Variants in KCNH6 observed in about 807,000 individuals in gnomAD.
KCNH6 encodes the protein potassium voltage-gated channel subfamily H member 6.
Under a neutral mutation model 83.4 loss-of-function variants are expected in KCNH6, and 81 were observed. That is an observed-to-expected ratio of 0.97 (90% confidence interval 0.81 to 1.17). KCNH6 has a LOEUF of 1.17. Ranked by LOEUF, KCNH6 falls within the 50% of genes most tolerant of loss-of-function variation. The probability of loss-of-function intolerance (pLI) is 0.00; values close to 1 mark genes in which losing one functional copy is unlikely to be tolerated. For missense variants in KCNH6, 1,203 were observed against 1,290.5 expected, an observed-to-expected ratio of 0.93 and a Z score of 1.04; for synonymous variants, 503 against 545.6, an observed-to-expected ratio of 0.92 and a Z score of 1.09.
intron 10 of KCNH6, chr17:63,544,013 G>T (rs1221964184): frequency 2.0e-6 from 3 of 1,524,026 alleles, no homozygotes; most frequent in African/African-American, 1.4e-5. Flanking sequence ...CCCTGCCAGG[G>T]TCTCCCCATG....
At chr17:63,547,965 T>TAA (rs58169236), downstream of KCNH6, among the ~76,000 whole-genome samples, 2,289 of 133,114 alleles carry the variant, frequency 0.017, 28 homozygotes, top group Middle Eastern at 0.079. Context: ...CTCGGTCTCT[T>TAA]AAAAAAAAAA....
At position 63,533,881 on chromosome 17, in the gene KCNH6, C is replaced by A. The variant is rs780939875; in HGVS notation, c.676-5C>A. The stretch of plus-strand genomic sequence containing the variant: ...TGCCTGACCTCCCTCGGCCCCCACC[C>A]CCAGGTCCTGTCCCTGGGCGCGGAT... On this transcript the variant is annotated splice_polypyrimidine_tract_variant and splice_region_variant and intron_variant, in intron 4 of 12. Transcript: ENST00000314672. The surrounding 1 kb of genome is among the most constrained non-coding windows in gnomAD (Gnocchi z 4.1). The A allele has an allele frequency of 5.6e-6, 9 of 1,610,488 alleles. No homozygotes were observed. Among genetic ancestry groups the A allele is most frequent in the Admixed American group, 3.3e-5 (2 of 59,900 alleles).
chr17:63,535,231 A>T lies in KCNH6; in HGVS notation c.1102-438A>T, dbSNP rs1255441254. On this transcript the variant is annotated intron_variant, in intron 5 of 12. Coordinates refer to ENST00000314672, the MANE Select transcript of KCNH6 (RefSeq NM_001278919.2). The surrounding 1 kb of genome is among the most constrained non-coding windows in gnomAD (Gnocchi z 4.9). ...GGCTCTCACTGCTCCTCCATCTCCC[A>T]TGTGCGCATCGGGCTGCAGTGCCAC... Among the ~76,000 whole-genome samples, 4 of 151,906 alleles carry T rather than the reference A, an allele frequency of 2.6e-5. No individual in the cohort carries two copies. Among genetic ancestry groups the T allele is most frequent in the Non-Finnish European group, 5.9e-5 (4 of 67,962 alleles).
chr17:63,524,154 T>C lies in KCNH6; in HGVS notation c.92T>C (p.Ile31Thr). 2 of 1,613,628 alleles carry C rather than the reference T, an allele frequency of 1.2e-6. No homozygotes were observed. Among genetic ancestry groups the C allele is most frequent in the Non-Finnish European group, 8.5e-7 (1 of 1,179,544 alleles). The change falls in exon 2 of 13, where the codon ATT (isoleucine) becomes ACT (threonine). Residue 31 changes from isoleucine to threonine, a missense_variant. Coordinates refer to ENST00000314672, the MANE Select transcript of KCNH6 (RefSeq NM_001278919.2). ...CCCACCCCAGGTCGGAAGTTCCTGA[T>C]TGCCAATGCTCAGATGGAGAACTGC... ...KFEGQSRKFL[I>T]ANAQMENCAI...
intron 4 of KCNH6, among the ~76,000 whole-genome samples, chr17:63,532,693 T>C (rs532612142): frequency 6.6e-6 from 1 of 152,296 alleles, no homozygotes; most frequent in African/African-American, 2.4e-5. Flanking sequence ...ATCTGCTAAT[T>C]GATTTGGTTT....
intron 12 of KCNH6, 77 bp from the exon 13 acceptor site, chr17:63,545,532 T>G: frequency 6.7e-7 from 1 of 1,485,838 alleles, no homozygotes; most frequent in Non-Finnish European, 9.2e-7. Context: ...AATTTTTGCC[T>G]GATCCCATCC....
chr17:63,538,164 AGT>A lies in KCNH6; in HGVS notation c.1602_1603del (p.Glu534AspfsTer30). On this transcript the variant is annotated frameshift_variant, in exon 7 of 13. Transcript: ENST00000314672. LOFTEE classifies it high-confidence loss of function. The surrounding 1 kb of genome is among the most constrained non-coding windows in gnomAD (Gnocchi z 4.0). Reference sequence around the variant, plus strand: ...CACACGCAGATGCTGCGTGTCAAGGAGTTCATCCGCTTCCACCAGATCCCCAA... The same window carrying A: ...CACACGCAGATGCTGCGTGTCAAGGATCATCCGCTTCCACCAGATCCCCAA... 1 of 1,614,074 alleles carries A rather than the reference AGT, an allele frequency of 6.2e-7. No homozygotes were observed. The highest frequency in any genetic ancestry group is 8.5e-7 in the Non-Finnish European group (1 of 1,179,950).
chr17:63,523,476 GT>G lies in KCNH6; in HGVS notation c.65del (p.Phe22SerfsTer9). ...CTTACCTGGACACCATCATCCGCAA[GT>G]TCGAGGGCCAAAGTGAGTGTGTGTA... ...NTYLDTIIRK[F>X]EGQSRKFLIA... is the part of the protein sequence containing the mutation. On this transcript the variant is annotated frameshift_variant, in exon 1 of 13. Coordinates refer to ENST00000314672, the MANE Select transcript of KCNH6 (RefSeq NM_001278919.2). LOFTEE classifies it high-confidence loss of function. This position sits in a 1 kb window ranked among gnomAD's most constrained non-coding sequence, Gnocchi z 4.2. 1 of 1,607,166 alleles carries G rather than the reference GT, an allele frequency of 6.2e-7. No homozygotes were observed. The highest frequency in any genetic ancestry group is 1.1e-5 in the South Asian group (1 of 90,706).
rs199558749 is a variant in KCNH6 at position 63,538,410 on chromosome 17, G to A, written c.1702G>A (p.Val568Met). The A allele has an allele frequency of 1.1e-4, 181 of 1,595,712 alleles. No homozygotes were observed. The African/African-American group carries it at 2.3e-3, about 20-fold the overall frequency. Reference sequence around the variant, plus strand: ...CTGGACTTGGCCGCCCGCCTTGCAGGTGCTGAAGGGCTTCCCCGAGTGCCT... The same window carrying A: ...CTGGACTTGGCCGCCCGCCTTGCAGATGCTGAAGGGCTTCCCCGAGTGCCT... ...SYTNGIDMNAVLKGFPECLQA... is the reference protein window; with the variant it reads ...SYTNGIDMNAMLKGFPECLQA... The change falls in exon 8 of 13, where the codon GTG becomes ATG. Residue 568 changes from valine to methionine, a missense_variant and splice_region_variant. Val to Met is a conservative substitution (Grantham distance 21). Coordinates refer to ENST00000314672, the MANE Select transcript of KCNH6 (RefSeq NM_001278919.2). This position sits in a 1 kb window ranked among gnomAD's most constrained non-coding sequence, Gnocchi z 4.0.
At chr17:63,528,988 C>T (rs1191640458) in intron 2 of KCNH6, among the ~76,000 whole-genome samples, 1 of 152,182 alleles carries the variant, frequency 6.6e-6, no homozygotes, top group Non-Finnish European at 1.5e-5. Context: ...GTGCGCACCA[C>T]CACGCCTGGC....
At chr17:63,537,001 A>G (rs1054734083) in intron 6 of KCNH6, among the ~76,000 whole-genome samples, 1 of 150,726 alleles carries the variant, frequency 6.6e-6, no homozygotes, top group Non-Finnish European at 1.5e-5. Context: ...GTGACAGCAG[A>G]GTATTAAACC....
chr17:63,542,018 C>T (rs12949197), intron 8 of KCNH6, among the ~76,000 whole-genome samples: 49,491 of 151,962 alleles, frequency 0.33, 8,204 homozygotes, highest in Middle Eastern at 0.41. Context: ...AGGAGCCACA[C>T]GCCGGATCTC....
chr17:63,539,937 C>T (rs1485432806), intron 8 of KCNH6, among the ~76,000 whole-genome samples: 1 of 152,178 alleles, frequency 6.6e-6, no homozygotes, highest in Non-Finnish European at 1.5e-5. Flanking sequence ...AATCCGACCA[C>T]CCTGTCCTAC....
chr17:63,525,327 A>G (rs546761374), intron 2 of KCNH6, among the ~76,000 whole-genome samples: 9 of 152,314 alleles, frequency 5.9e-5, no homozygotes, highest in Admixed American at 5.9e-4. Flanking sequence ...CTGGAACCCA[A>G]GTCTCTGGAT....
chr17:63,532,337 A>G (rs971648780), intron 4 of KCNH6, among the ~76,000 whole-genome samples: 1 of 152,228 alleles, frequency 6.6e-6, no homozygotes, highest in Admixed American at 6.5e-5. Flanking sequence ...TCCTGATCAG[A>G]GCCCCAGTTT....
Position 63,530,240 on chromosome 17 carries a change from T to C in KCNH6, c.457T>C (p.Phe153Leu), listed in dbSNP as rs2032002971. 1.9e-6 allele frequency: 3 copies of C among 1,613,936 alleles called. No homozygotes were observed. The African/African-American group carries it at 4.0e-5, about 22-fold the overall frequency. ...GTCCCAGCGCCTGTTGTCCCAGAGC[T>C]TCCTGGGCTCCGGTGAGGCAGAGTG... ...SLSQRLLSQS[F>L]LGSEGSHGRP... The change falls in exon 3 of 13, where the codon TTC becomes CTC. Residue 153 changes from phenylalanine to leucine, a missense_variant. Phe to Leu is a conservative substitution (Grantham distance 22, BLOSUM62 0). Coordinates refer to ENST00000314672, the MANE Select transcript of KCNH6 (RefSeq NM_001278919.2).
At chr17:63,525,555 G>A (rs931485256) in intron 2 of KCNH6, among the ~76,000 whole-genome samples, 2 of 152,194 alleles carry the variant, frequency 1.3e-5, no homozygotes, top group African/African-American at 4.8e-5. Flanking sequence ...GGCCTGGAGT[G>A]TGTGAAACAT....
intron 12 of KCNH6, 98 bp downstream of exon 12, chr17:63,545,362 T>C: frequency 7.6e-7 from 1 of 1,307,712 alleles, no homozygotes; most frequent in Non-Finnish European, 1.1e-6. Context: ...CCAGAGCCTC[T>C]GTGGCCCCAG....
intron 4 of KCNH6, 134 bp downstream of exon 4, chr17:63,530,676 T>C (rs2032046417): frequency 1.3e-6 from 1 of 770,400 alleles, no homozygotes; most frequent in Non-Finnish European, 2.1e-6. Flanking sequence ...ATATCTGGTT[T>C]GAGCCCCGGG....
Sources: allele counts gnomAD v4.1 joint callset (sites outside exome capture counted in the v4.1 genomes callset), GRCh38; gene constraint gnomAD v4.1.1; non-coding constraint Gnocchi (gnomAD v3.1); transcripts MANE v1.5; gene names NCBI Gene and HGNC (gene_info 2026-07-23, HGNC 2026-07-21).